The following EPHA6 variants were observed in gnomAD, a reference collection of about 807,000 sequenced individuals.
EPHA6 encodes the protein EPH receptor A6.
A neutral mutation model predicts 112.0 loss-of-function variants in EPHA6; 50 were observed. That is an observed-to-expected ratio of 0.45 (90% confidence interval 0.36 to 0.56). EPHA6 has a LOEUF of 0.56. Ranked by LOEUF, EPHA6 falls within the 20% of genes least tolerant of loss-of-function variation. EPHA6 has a pLI of 0.00. For missense variants in EPHA6, 1,280 were observed against 1,417.4 expected, an observed-to-expected ratio of 0.90 and a Z score of 1.56; for synonymous variants, 529 against 490.7, an observed-to-expected ratio of 1.08 and a Z score of -1.03.
At chr3:97,311,329 G>C (rs2081549674) in intron 5 of EPHA6, among the ~76,000 whole-genome samples, 2 of 151,310 alleles carry the variant, frequency 1.3e-5, no homozygotes, top group Admixed American at 1.3e-4. Context: ...CTCTAACCTT[G>C]TTTGTAGTTC....
chr3:97,562,156 A>G (rs1280994503), intron 11 of EPHA6, among the ~76,000 whole-genome samples: 1 of 152,158 alleles, frequency 6.6e-6, no homozygotes, highest in East Asian at 1.9e-4. Flanking sequence ...TCTGCAGCCC[A>G]TAGATCAAGA....
At position 96,879,523 on chromosome 3, in the gene EPHA6, G is replaced by C. The variant is rs137916145; in HGVS notation, c.450+12634G>C. ...GTTAGAGTTAGGAGGAAAGAGTTTT[G>C]GTGTCCTATTACACAGTGGAGTGAC... On this transcript the variant is annotated intron_variant, in intron 2 of 17. Coordinates refer to ENST00000389672, the MANE Select transcript of EPHA6 (RefSeq NM_001080448.3). 3.4e-3 allele frequency among the ~76,000 whole-genome samples: 510 copies of C among 152,020 alleles called. 4 individuals are homozygous for C. Among genetic ancestry groups the C allele is most frequent in the African/African-American group, 0.012 (484 of 41,510 alleles).
At chr3:97,101,389 T>C (rs900464108) in intron 3 of EPHA6, among the ~76,000 whole-genome samples, 2 of 152,026 alleles carry the variant, frequency 1.3e-5, no homozygotes, top group African/African-American at 2.4e-5. Context: ...TCTCTCCAAT[T>C]TGTTGTTTGT....
At chr3:96,962,021 A>T (rs9823663) in intron 2 of EPHA6, among the ~76,000 whole-genome samples, 2,697 of 152,302 alleles carry the variant, frequency 0.018, 69 homozygotes, top group African/African-American at 0.05. Context: ...AGGAAATCAC[A>T]TAAAACACGT....
chr3:97,089,394 G>A (rs991441700), intron 3 of EPHA6, among the ~76,000 whole-genome samples: 1 of 151,954 alleles, frequency 6.6e-6, no homozygotes, highest in Non-Finnish European at 1.5e-5. Flanking sequence ...TGAGTCAAAA[G>A]TCTATAGGCT....
intron 3 of EPHA6, among the ~76,000 whole-genome samples, chr3:97,054,302 G>T (rs2045782608): frequency 6.6e-6 from 1 of 151,900 alleles, no homozygotes; most frequent in African/African-American, 2.4e-5. Flanking sequence ...CTAAAAATAG[G>T]TTTCATATTT....
At position 97,318,623 on chromosome 3, in the gene EPHA6, A is replaced by T. The variant is rs577243872; in HGVS notation, c.1606+74336A>T. ...ACCATGCTGCATGAAACAAAAATCT[A>T]ATTTAAAAGGAATGATGTGCACAGC... On this transcript the variant is annotated intron_variant, in intron 5 of 17. Transcript: ENST00000389672. 5.1e-4 allele frequency among the ~76,000 whole-genome samples: 77 copies of T among 152,026 alleles called. 1 individual carries two copies. In the South Asian group the frequency reaches 0.016, roughly 31 times the overall value.
intron 5 of EPHA6, among the ~76,000 whole-genome samples, chr3:97,246,951 A>G (rs1372186799): frequency 6.6e-6 from 1 of 152,000 alleles, no homozygotes; most frequent in African/African-American, 2.4e-5. Context: ...GTAGTGTTCA[A>G]TTTAAAAAGA....
Position 97,052,629 on chromosome 3 carries a change from G to A in EPHA6, c.1114+64636G>A, listed in dbSNP as rs904489686. On this transcript the variant is annotated intron_variant, in intron 3 of 17. Transcript: ENST00000389672. ...TCTTTTAAGTAAGTTAATTGAACTG[G>A]TTTATTAAGAAGTAAAGCCAAAAAT... Among the ~76,000 whole-genome samples the A allele has an allele frequency of 2.0e-5, 3 of 152,068 alleles. No individual in the cohort carries two copies. In the South Asian group the frequency reaches 6.2e-4, roughly 31 times the overall value.
chr3:97,409,189 G>A (rs1486553439), intron 6 of EPHA6, among the ~76,000 whole-genome samples: 2 of 152,074 alleles, frequency 1.3e-5, no homozygotes, highest in South Asian at 2.1e-4. Flanking sequence ...ATACACATAT[G>A]TCCATCAGCT....
intron 3 of EPHA6, among the ~76,000 whole-genome samples, chr3:97,215,815 A>G (rs916448415): frequency 1.3e-5 from 2 of 152,202 alleles, no homozygotes; most frequent in African/African-American, 2.4e-5. Flanking sequence ...AAATAAGGAT[A>G]TGTTTGTAAT....
In EPHA6 at chr3:97,241,778, T is replaced by G. The variant is rs534327827; in HGVS notation, c.1271-2174T>G. 6.4e-4 allele frequency among the ~76,000 whole-genome samples: 96 copies of G among 150,334 alleles called. 1 individual carries two copies. The highest frequency in any genetic ancestry group is 5.4e-3 in the South Asian group (26 of 4,774). ...TTGTTTTTTTTTTTTTTTGTTTTTT[T>G]TTTTAGTATCTGCAGGCGGACAGTT... On this transcript the variant is annotated intron_variant, in intron 4 of 17. Transcript: ENST00000389672.
At chr3:97,214,038 T>TGAGAGA (rs1185912976) in intron 3 of EPHA6, among the ~76,000 whole-genome samples, 63 of 77,814 alleles carry the variant, frequency 8.1e-4, no homozygotes, top group Admixed American at 1.7e-3. Context: ...TGTGTGTGTG[T>TGAGAGA]GAGAGAGAGA....
At chr3:97,062,369 C>G (rs1012571245) in intron 3 of EPHA6, among the ~76,000 whole-genome samples, 1 of 152,070 alleles carries the variant, frequency 6.6e-6, no homozygotes, top group Non-Finnish European at 1.5e-5. Flanking sequence ...GGCAGAGCCA[C>G]CACCCCTAAG....
At chr3:97,075,339 C>G (rs776920901) in intron 3 of EPHA6, among the ~76,000 whole-genome samples, 6 of 151,730 alleles carry the variant, frequency 4.0e-5, no homozygotes, top group Admixed American at 6.6e-5. Flanking sequence ...TCGCATGTTC[C>G]AGAATTTTTC....
At chr3:97,000,128 C>T (rs2043587173) in intron 3 of EPHA6, among the ~76,000 whole-genome samples, 1 of 151,700 alleles carries the variant, frequency 6.6e-6, no homozygotes, top group African/African-American at 2.4e-5. Context: ...AAGGCTATTA[C>T]TGTTGTGTAA....
At chr3:97,719,158 A>G (rs1221267885) in intron 14 of EPHA6, among the ~76,000 whole-genome samples, 1 of 135,408 alleles carries the variant, frequency 7.4e-6, no homozygotes. Context: ...TCACCTTTAA[A>G]GATATTTAAC....
At chr3:97,230,459 T>C (rs959593791) in intron 4 of EPHA6, among the ~76,000 whole-genome samples, 3 of 152,168 alleles carry the variant, frequency 2.0e-5, no homozygotes, top group Non-Finnish European at 4.4e-5. Context: ...TATTATAAAT[T>C]ATATTTCAGA....
chr3:97,566,444 A>C (rs1295690305), intron 11 of EPHA6, among the ~76,000 whole-genome samples: 3 of 152,198 alleles, frequency 2.0e-5, no homozygotes, highest in Admixed American at 6.5e-5. Flanking sequence ...GACTCTAAAG[A>C]ATGTTTCTGC....
Sources: allele counts gnomAD v4.1 joint callset (sites outside exome capture counted in the v4.1 genomes callset), GRCh38; gene constraint gnomAD v4.1.1; transcripts MANE v1.5; gene names NCBI Gene and HGNC (gene_info 2026-07-23, HGNC 2026-07-21).